KANSL1: variants seen among roughly 807,000 people sequenced by gnomAD.
The protein encoded by KANSL1 is KAT8 regulatory NSL complex subunit 1.
KANSL1 carries 22 observed loss-of-function variants against 103.6 expected under a neutral mutation model. That is an observed-to-expected ratio of 0.21 (90% CI 0.15 to 0.30). The LOEUF (loss-of-function observed/expected upper bound fraction) is 0.30. KANSL1 is among the 10% of genes least tolerant of loss of function. The pLI is 1.00. For missense variants in KANSL1, 1,337 were observed against 1,399.8 expected, an observed-to-expected ratio of 0.96 and a Z score of 0.72; for synonymous variants, 600 against 527.6, an observed-to-expected ratio of 1.14 and a Z score of -1.88.
rs2146325036 is a variant in KANSL1 at position 46,034,258 on chromosome 17, C to T, written c.2569G>A (p.Glu857Lys). 1.2e-6 allele frequency: 2 copies of T among 1,614,006 alleles called. No homozygotes were observed. Among genetic ancestry groups the T allele is most frequent in the Non-Finnish European group, 1.7e-6 (2 of 1,179,964 alleles). The change falls in exon 11 of 15, where the codon GAG (glutamate) becomes AAG (lysine). Residue 857 changes from glutamate to lysine, a missense_variant. Physicochemically the swap from Glu to Lys is moderately conservative, Grantham distance 56 (BLOSUM62 1). Around this residue, in one of 2 missense-constraint regions of KANSL1, gnomAD observed 780 missense variants for 923.4 expected, o/e 0.84. Coordinates refer to ENST00000432791, the MANE Select transcript of KANSL1 (RefSeq NM_015443.4). ...SQQPVRRRRG[E>K]SSFDINNIVI... Reference sequence around the variant, plus strand: ...ATGTTGTTAATATCAAATGAGCTCTCTCCCCTTCTCCTCCTTACTGGCTGC... The same window carrying T: ...ATGTTGTTAATATCAAATGAGCTCTTTCCCCTTCTCCTCCTTACTGGCTGC...
chr17:46,034,347 C>A (rs2077090735), intron 10 of KANSL1, 62 bp from the exon 11 acceptor site: 1 of 1,582,874 alleles, frequency 6.3e-7, no homozygotes, highest in Non-Finnish European at 8.6e-7. Flanking sequence ...AATCATTCAT[C>A]TAAGAGTTAA....
intron 2 of KANSL1, among the ~76,000 whole-genome samples, chr17:46,154,754 G>A (rs1271353837): frequency 6.6e-6 from 1 of 152,214 alleles, no homozygotes; most frequent in Non-Finnish European, 1.5e-5. Flanking sequence ...GAGAGGGTGT[G>A]GTGGGGGGAA....
intron 6 of KANSL1, among the ~76,000 whole-genome samples, chr17:46,056,652 GCTT>G (rs760973959): frequency 1.1e-4 from 16 of 152,164 alleles, no homozygotes; most frequent in South Asian, 2.1e-4. Context: ...CAAAATTCTA[GCTT>G]CTTAACACTG....
chr17:46,117,011 A>T (rs1192823105), intron 2 of KANSL1, among the ~76,000 whole-genome samples: 1 of 152,232 alleles, frequency 6.6e-6, no homozygotes, highest in Non-Finnish European at 1.5e-5. Context: ...GAAGAAAAAA[A>T]TTTTTATGAG....
intron 2 of KANSL1, among the ~76,000 whole-genome samples, chr17:46,145,121 T>C (rs1414927915): frequency 6.6e-6 from 1 of 152,106 alleles, no homozygotes; most frequent in Non-Finnish European, 1.5e-5. Flanking sequence ...ATCCAAAAAC[T>C]TGCTTCTTAT....
chr17:46,222,766 G>C (rs1262811027), intron 1 of KANSL1: 1 of 152,422 alleles, frequency 6.6e-6, no homozygotes, highest in Non-Finnish European at 1.5e-5. Flanking sequence ...CTACTCTGAA[G>C]AAAGGCGAAG....
chr17:46,060,880 G>A (rs867652501), intron 6 of KANSL1, among the ~76,000 whole-genome samples: 10 of 152,094 alleles, frequency 6.6e-5, no homozygotes, highest in Non-Finnish European at 1.5e-4. Context: ...AGGACTACTC[G>A]GAATTCTATG....
intron 6 of KANSL1, among the ~76,000 whole-genome samples, chr17:46,065,323 TTTCTC>T (rs1478009444): frequency 3.3e-5 from 5 of 152,164 alleles, no homozygotes; most frequent in African/African-American, 1.2e-4. Flanking sequence ...TATTATTTTC[TTTCTC>T]TTAACAACTA....
chr17:46,139,866 A>G (rs1467398203), intron 2 of KANSL1, among the ~76,000 whole-genome samples: 9 of 152,218 alleles, frequency 5.9e-5, no homozygotes, highest in Non-Finnish European at 1.2e-4. Flanking sequence ...AAGAAAAGAA[A>G]AAGGAGAGAG....
chr17:46,103,637 A>C (rs1484431979), intron 2 of KANSL1, among the ~76,000 whole-genome samples: 2 of 152,198 alleles, frequency 1.3e-5, no homozygotes, highest in African/African-American at 4.8e-5. Flanking sequence ...CAATCTGTGG[A>C]AGAGACAGCA....
At chr17:46,164,819 C>T (rs1249233220) in intron 2 of KANSL1, among the ~76,000 whole-genome samples, 1 of 152,234 alleles carries the variant, frequency 6.6e-6, no homozygotes, top group Admixed American at 6.5e-5. Flanking sequence ...TCAGCTCCCT[C>T]ACTTTAATTA....
chr17:46,149,483 CCA>C (rs1010632296), intron 2 of KANSL1, among the ~76,000 whole-genome samples: 26 of 152,246 alleles, frequency 1.7e-4, no homozygotes, highest in Admixed American at 5.2e-4. Flanking sequence ...GCTTTGCAGG[CCA>C]CACAGTCTCC....
chr17:46,107,709 C>A (rs1450230617), intron 2 of KANSL1, among the ~76,000 whole-genome samples: 1 of 152,198 alleles, frequency 6.6e-6, no homozygotes, highest in Non-Finnish European at 1.5e-5. Context: ...TTTCTACCTG[C>A]CTACTCAACA....
chr17:46,066,778 A>G (rs775321250), intron 5 of KANSL1, 46 bp from the exon 6 acceptor site: 1 of 1,376,052 alleles, frequency 7.3e-7, no homozygotes, highest in Admixed American at 2.1e-5. Flanking sequence ...ACAAAGAAAC[A>G]AAATAAATAA....
chr17:46,080,913 T>C (rs1220040877), intron 4 of KANSL1, among the ~76,000 whole-genome samples: 3 of 152,212 alleles, frequency 2.0e-5, no homozygotes, highest in Non-Finnish European at 1.5e-5. Flanking sequence ...TTGAAACTAG[T>C]ATGGCCAACA....
chr17:46,155,342 G>C (rs969059834), intron 2 of KANSL1, among the ~76,000 whole-genome samples: 1 of 152,024 alleles, frequency 6.6e-6, no homozygotes, highest in East Asian at 1.9e-4. Flanking sequence ...ATTTTTAGTA[G>C]AGACAGGATT....
intron 1 of KANSL1, among the ~76,000 whole-genome samples, chr17:46,178,987 T>C (rs1474109535): frequency 1.3e-5 from 2 of 152,230 alleles, no homozygotes; most frequent in African/African-American, 2.4e-5. Context: ...AAAATATACT[T>C]CTAGGATAGA....
In KANSL1 at chr17:46,029,989, G is replaced by A. The variant is rs1278162237; in HGVS notation, c.*1487C>T. 4 of 148,790 alleles carry A rather than the reference G, an allele frequency of 2.7e-5. No individual in the cohort carries two copies. The highest frequency in any genetic ancestry group is 4.4e-5 in the Non-Finnish European group (3 of 67,458). The allele number at this position is 148,790 out of a possible 1,614,324, so 9.2% of individuals were successfully genotyped here. A position where few individuals can be genotyped will look rare whatever the true frequency, so the allele number is the denominator to read the frequency against. ...TTTTAAGCACTAGTCTGTGCTTTGCGAACAGAATCAAGACATTAACAAAGA... is the reference window on the plus strand; with the variant it reads ...TTTTAAGCACTAGTCTGTGCTTTGCAAACAGAATCAAGACATTAACAAAGA... On this transcript the variant is annotated 3_prime_UTR_variant, in exon 15 of 15. Transcript: ENST00000432791.
At chr17:46,112,518 C>A (rs2042863294) in intron 2 of KANSL1, among the ~76,000 whole-genome samples, 1 of 151,628 alleles carries the variant, frequency 6.6e-6, no homozygotes, top group African/African-American at 2.4e-5. Flanking sequence ...AACCCCATCT[C>A]TACTAAAAAT....
Sources: allele counts gnomAD v4.1 joint callset (sites outside exome capture counted in the v4.1 genomes callset), GRCh38; gene constraint gnomAD v4.1.1; regional missense constraint gnomAD v4.1.1; transcripts MANE v1.5; gene names NCBI Gene and HGNC (gene_info 2026-07-23, HGNC 2026-07-21).